The following SLC23A3 variants were observed in gnomAD, a reference collection of about 807,000 sequenced individuals.
SLC23A3 encodes E2-binding protein 3.
Under a neutral mutation model 64.7 loss-of-function variants are expected in SLC23A3, and 41 were observed. That is an observed-to-expected ratio of 0.63 (90% CI 0.49 to 0.82). The LOEUF (loss-of-function observed/expected upper bound fraction) is 0.82. SLC23A3 is among the 40% of genes least tolerant of loss of function. The probability of loss-of-function intolerance (pLI) is 0.00; values close to 1 mark genes in which losing one functional copy is unlikely to be tolerated. For missense variants in SLC23A3, 647 were observed against 733.4 expected (o/e 0.88, Z 1.36); for synonymous variants, 281 against 306.8 (o/e 0.92, Z 0.88).
chr2:219,169,670 C>G lies in SLC23A3; in HGVS notation c.171G>C (p.Leu57Phe). The change falls in exon 2 of 12, where the codon TTG (leucine) becomes TTC (phenylalanine). Residue 57 changes from leucine (L) to phenylalanine (F), a missense_variant. Coordinates refer to ENST00000409878, the MANE Select transcript of SLC23A3 (RefSeq NM_001144889.2). The surrounding 1 kb of genome is among the most constrained non-coding windows in gnomAD (Gnocchi z 4.5). The stretch of plus-strand genomic sequence containing the variant: ...AGACACAGAGCAGAGAAGCCATGAC[C>G]AAGACATGCTGCAGGTGGAGGAATG... ...LSCLLALQHV[L>F]VMASLLCVSH... is the part of the protein sequence containing the mutation. The G allele has an allele frequency of 1.2e-6, 2 of 1,614,050 alleles. No homozygotes were observed. The highest frequency in any genetic ancestry group is 1.7e-6 in the Non-Finnish European group (2 of 1,179,972).
rs752599583 is a variant in SLC23A3 at position 219,169,971 on chromosome 2, G to A, written c.14C>T (p.Pro5Leu). 6 of 1,613,992 alleles carry A rather than the reference G, an allele frequency of 3.7e-6. No homozygotes were observed. The South Asian group carries it at 5.5e-5, about 15-fold the overall frequency. Residue 5 changes from proline (P) to leucine (L), a missense_variant, in exon 1 of 12, where the codon CCC becomes CTC. By Grantham distance (98) the Pro-to-Leu change is moderately conservative. Transcript: ENST00000409878. The surrounding 1 kb of genome is among the most constrained non-coding windows in gnomAD (Gnocchi z 4.5). ...TGATCGGAGTTGGCTGGGATTGAGG[G>A]GTGATCGGCTCATGCTGCCTTGCCT... MSRS[P>L]LNPSQLRSVG...
At position 219,170,011 on chromosome 2, in the gene SLC23A3, G is replaced by GC. The variant is rs1485682106; in HGVS notation, c.-28dup. On this transcript the variant is annotated 5_prime_UTR_variant, in exon 1 of 12. Coordinates refer to ENST00000409878, the MANE Select transcript of SLC23A3 (RefSeq NM_001144889.2). The stretch of plus-strand genomic sequence containing the variant: ...CTGCCTTGCCTTTCGCTTTGTCTTG[G>GC]CTGCCCGGGACCAGAGTTAAGTAGA... The GC allele has an allele frequency of 6.2e-7, 1 of 1,611,394 alleles. No homozygotes were observed. The highest frequency in any genetic ancestry group is 8.5e-7 in the Non-Finnish European group (1 of 1,179,072).
Position 219,169,117 on chromosome 2 carries a change from G to T in SLC23A3, c.419-15C>A, listed in dbSNP as rs978672206. The T allele has an allele frequency of 6.2e-7, 1 of 1,613,466 alleles. No homozygotes were observed. Among genetic ancestry groups the T allele is most frequent in the African/African-American group, 1.3e-5 (1 of 74,880 alleles). ...CATGAGGGAGGCTAGGAAAAGTTTG[G>T]GGCATGGAGAAGAGAAGGGTGAATG... On this transcript the variant is annotated splice_polypyrimidine_tract_variant and intron_variant, in intron 3 of 11. Transcript: ENST00000409878. The surrounding 1 kb of genome is among the most constrained non-coding windows in gnomAD (Gnocchi z 4.5).
At position 219,169,573 on chromosome 2, in the gene SLC23A3, T is replaced by C. The variant is rs1193584041; in HGVS notation, c.268A>G (p.Ser90Gly). 1 of 1,614,064 alleles carries C rather than the reference T, an allele frequency of 6.2e-7. No homozygotes were observed. Among genetic ancestry groups the C allele is most frequent in the Admixed American group, 1.7e-5 (1 of 60,018 alleles). ...SYSPSQLLAS[S>G]FFSCGMSTIL... Reference sequence around the variant, plus strand: ...GTAGACATACCACATGAAAAGAAGCTGGAGGCCAGGAGCTGAGAAGGGGAG... The same window carrying C: ...GTAGACATACCACATGAAAAGAAGCCGGAGGCCAGGAGCTGAGAAGGGGAG... The change falls in exon 2 of 12, where the codon AGC becomes GGC. Residue 90 changes from serine to glycine, a missense_variant. Coordinates refer to ENST00000409878, the MANE Select transcript of SLC23A3 (RefSeq NM_001144889.2). The surrounding 1 kb of genome is among the most constrained non-coding windows in gnomAD (Gnocchi z 4.5).
Position 219,169,467 on chromosome 2 carries a change from A to C in SLC23A3, c.320+54T>G. 6.2e-7 allele frequency: 1 copy of C among 1,613,600 alleles called. No homozygotes were observed. Among genetic ancestry groups the C allele is most frequent in the East Asian group, 2.2e-5 (1 of 44,880 alleles). On this transcript the variant is annotated intron_variant, in intron 2 of 11. Coordinates refer to ENST00000409878, the MANE Select transcript of SLC23A3 (RefSeq NM_001144889.2). This position sits in a 1 kb window ranked among gnomAD's most constrained non-coding sequence, Gnocchi z 4.5. ...TGTGGCAGCCAGCAAGGCTCCCCCA[A>C]ACCTCTCCTACCCTCCAGGACTCTG...
intron 7 of SLC23A3, among the ~76,000 whole-genome samples, chr2:219,167,502 C>CCCAGCA (rs1435362504): frequency 2.1e-5 from 3 of 145,802 alleles, no homozygotes; most frequent in African/African-American, 7.7e-5. Flanking sequence ...TGGCTCATGC[C>CCCAGCA]TGTAATCCCA....
intron 11 of SLC23A3, 41 bp from the exon 12 acceptor site, chr2:219,162,245 G>A: frequency 1.9e-6 from 3 of 1,612,998 alleles, no homozygotes; most frequent in Non-Finnish European, 1.7e-6. Context: ...CCATCCCAGG[G>A]AGGGATGGCT....
Position 219,169,468 on chromosome 2 carries a change from A to T in SLC23A3, c.320+53T>A. 1 of 1,613,290 alleles carries T rather than the reference A, an allele frequency of 6.2e-7. No individual in the cohort carries two copies. The highest frequency in any genetic ancestry group is 1.7e-5 in the Admixed American group (1 of 59,980). Reference sequence around the variant, plus strand: ...GTGGCAGCCAGCAAGGCTCCCCCAAACCTCTCCTACCCTCCAGGACTCTGC... The same window carrying T: ...GTGGCAGCCAGCAAGGCTCCCCCAATCCTCTCCTACCCTCCAGGACTCTGC... On this transcript the variant is annotated intron_variant, in intron 2 of 11. Transcript: ENST00000409878. This position sits in a 1 kb window ranked among gnomAD's most constrained non-coding sequence, Gnocchi z 4.5.
intron 5 of SLC23A3, 103 bp downstream of exon 5, chr2:219,168,549 T>A (rs1300456491): frequency 1.6e-6 from 2 of 1,234,720 alleles, no homozygotes; most frequent in East Asian, 5.0e-5. Context: ...ATGTCCCTAT[T>A]CCAGTCGCTG....
chr2:219,165,570 G>A (rs2106377425), intron 7 of SLC23A3, 148 bp from the exon 8 acceptor site: 1 of 998,118 alleles, frequency 1.0e-6, no homozygotes, highest in African/African-American at 1.6e-5. Flanking sequence ...TAAGGAGAAA[G>A]ACCCATGCCT....
Position 219,169,500 on chromosome 2 carries a change from C to T in SLC23A3, c.320+21G>A. 1.2e-6 allele frequency: 2 copies of T among 1,613,970 alleles called. No homozygotes were observed. Among genetic ancestry groups the T allele is most frequent in the South Asian group, 1.1e-5 (1 of 91,078 alleles). ...CTACCCTCCAGGACTCTGCCCCTCT[C>T]TCCAGGGAGGTTCCTCTCACCTGCT... On this transcript the variant is annotated intron_variant, in intron 2 of 11. Coordinates refer to ENST00000409878, the MANE Select transcript of SLC23A3 (RefSeq NM_001144889.2). The surrounding 1 kb of genome is among the most constrained non-coding windows in gnomAD (Gnocchi z 4.5).
rs757136235 is a variant in SLC23A3 at position 219,168,640 on chromosome 2, G to A, written c.674+12C>T. ...ACTGGGCACCATCCCACGCCTCTCA[G>A]GACTCACGTACAGCAAGGCCAACCC... is the stretch of plus-strand genomic sequence containing the variant. On this transcript the variant is annotated intron_variant, in intron 5 of 11. Transcript: ENST00000409878. 1.2e-6 allele frequency: 2 copies of A among 1,612,794 alleles called. No individual in the cohort carries two copies. Among genetic ancestry groups the A allele is most frequent in the Non-Finnish European group, 1.7e-6 (2 of 1,179,448 alleles).
At chr2:219,168,584 C>T in intron 5 of SLC23A3, 68 bp downstream of exon 5, 1 of 1,476,796 alleles carries the variant, frequency 6.8e-7, no homozygotes, top group Non-Finnish European at 9.2e-7. Context: ...ACCAGCAGTT[C>T]TGCCCTCCCC....
In SLC23A3 at chr2:219,164,130, C is replaced by T. The variant is rs986665241; in HGVS notation, c.1273+103G>A. The T allele has an allele frequency of 1.4e-5, 10 of 729,324 alleles. No homozygotes were observed. In the South Asian group the frequency reaches 1.7e-4, roughly 13 times the overall value. The allele number at this position is 729,324 out of a possible 1,614,324, so 45.2% of individuals were successfully genotyped here. ...TCCATCCATCCATCCACCCATCCATCCAGGAAAGCTATTTAGAAGGAAAGG... is the reference window on the plus strand; with the variant it reads ...TCCATCCATCCATCCACCCATCCATTCAGGAAAGCTATTTAGAAGGAAAGG... On this transcript the variant is annotated intron_variant, in intron 9 of 11. Transcript: ENST00000409878.
chr2:219,162,180 C>G lies in SLC23A3; in HGVS notation c.1562G>C (p.Gly521Ala). The change falls in exon 12 of 12, where the codon GGT becomes GCT. Residue 521 changes from glycine (G) to alanine (A), a missense_variant. By Grantham distance (60) the Gly-to-Ala change is moderately conservative. Coordinates refer to ENST00000409878, the MANE Select transcript of SLC23A3 (RefSeq NM_001144889.2). ...IPGTQLERGL[G>A]QGLPSPFTAQ... ...AGTGAAAGGAGATGGTAGCCCTTGACCTAGGCCTCGCTCAAGCTGTGTGCC... is the reference window on the plus strand; with the variant it reads ...AGTGAAAGGAGATGGTAGCCCTTGAGCTAGGCCTCGCTCAAGCTGTGTGCC... 6.2e-7 allele frequency: 1 copy of G among 1,611,378 alleles called. No homozygotes were observed. Among genetic ancestry groups the G allele is most frequent in the Non-Finnish European group, 8.5e-7 (1 of 1,178,090 alleles).
At chr2:219,162,465 C>A in intron 10 of SLC23A3, 71 bp from the exon 11 acceptor site, 1 of 1,091,034 alleles carries the variant, frequency 9.2e-7, no homozygotes. Flanking sequence ...CTTACCCTCC[C>A]AGACCTAAAC....
chr2:219,165,390 C>A lies in SLC23A3; in HGVS notation c.946G>T (p.Ala316Ser), dbSNP rs755342524. ...EWNWPLLTPRALAAGISMALA... is the reference protein window; with the variant it reads ...EWNWPLLTPRSLAAGISMALA... ...GCCATGGAGATGCCTGCAGCCAGAG[C>A]TCTGGGCGTCAGCAAAGGCCAATTC... The change falls in exon 8 of 12, where the codon GCT becomes TCT. Residue 316 changes from alanine to serine, a missense_variant. Ala to Ser is a moderately conservative substitution (Grantham distance 99). Transcript: ENST00000409878. 1.2e-5 allele frequency: 18 copies of A among 1,550,840 alleles called. No individual in the cohort carries two copies. The highest frequency in any genetic ancestry group is 1.6e-5 in the Non-Finnish European group (18 of 1,146,764).
chr2:219,165,860 G>A (rs1031338483), intron 7 of SLC23A3, among the ~76,000 whole-genome samples: 1 of 152,170 alleles, frequency 6.6e-6, no homozygotes, highest in African/African-American at 2.4e-5. Flanking sequence ...TAGGCGGGGT[G>A]CAGTAGCTCA....
At chr2:219,168,354 G>C (rs779723097) in intron 5 of SLC23A3, 36 bp from the exon 6 acceptor site, 46 of 1,543,166 alleles carry the variant, frequency 3.0e-5, no homozygotes, top group Non-Finnish European at 3.8e-5. Flanking sequence ...AAGAGGCAGT[G>C]GGTATCCTGA....
Sources: gnomAD v4.1 joint callset for allele counts (sites outside exome capture counted in the v4.1 genomes callset) on GRCh38, gnomAD v4.1.1 for gene constraint, Gnocchi (gnomAD v3.1) non-coding constraint, MANE v1.5 for transcripts, NCBI Gene and HGNC (gene_info 2026-07-23, HGNC 2026-07-21) for gene names.